The following EXOC6B variants were observed in gnomAD, a reference collection of about 807,000 sequenced individuals.
EXOC6B encodes exocyst complex component 6B, also known as SEC15 homolog B.
EXOC6B carries 54 observed loss-of-function variants against 113.5 expected under a neutral mutation model. The observed-to-expected ratio is 0.48, with a 90% confidence interval of 0.38 to 0.60. The LOEUF is 0.60. Among genes scored for constraint, EXOC6B ranks in the 20% least tolerant of loss-of-function variants. The pLI, the probability that EXOC6B is intolerant of heterozygous loss-of-function variation, is 0.00. For synonymous variants in EXOC6B, 357 were observed against 339.0 expected (o/e 1.05, Z -0.58); for missense variants, 797 against 977.5 (o/e 0.82, Z 2.46).
chr2:72,513,209 A>G lies in EXOC6B; in HGVS notation c.1090T>C (p.Leu364=), dbSNP rs542067463. ...EDHILHTTQG[L]VNRAYIDELW... ...TCATCAATGTAGGCTCTATTTACTA[A>G]GCCCTGGGTTGTATGTAAAATGTGA... Residue 364 remains leucine, a synonymous_variant, in exon 11 of 22, where the codon TTA becomes CTA. Coordinates refer to ENST00000272427, the MANE Select transcript of EXOC6B (RefSeq NM_015189.3). 3.1e-6 allele frequency: 5 copies of G among 1,613,354 alleles called. No individual in the cohort carries two copies. Among genetic ancestry groups the G allele is most frequent in the Non-Finnish European group, 4.2e-6 (5 of 1,179,414 alleles).
intron 6 of EXOC6B, among the ~76,000 whole-genome samples, chr2:72,601,114 GTGTGTGTGTA>G (rs1462210682): frequency 3.2e-3 from 422 of 133,102 alleles, no homozygotes; most frequent in Middle Eastern, 0.011. Flanking sequence ...ATATATATAT[GTGTGTGTGTA>G]TGTGTGTGTG....
chr2:72,354,574 C>T (rs1689862552), intron 19 of EXOC6B, among the ~76,000 whole-genome samples: 3 of 152,296 alleles, frequency 2.0e-5, no homozygotes. Context: ...GCAATGGGCT[C>T]AGAGAAACAA....
chr2:72,597,644 T>C (rs1000858808), intron 6 of EXOC6B, among the ~76,000 whole-genome samples: 1 of 151,776 alleles, frequency 6.6e-6, no homozygotes, highest in Non-Finnish European at 1.5e-5. Flanking sequence ...CTAAAAGAGA[T>C]GGAAAGAGTG....
chr2:72,747,848 T>C (rs1377131742), intron 1 of EXOC6B, among the ~76,000 whole-genome samples: 1 of 152,096 alleles, frequency 6.6e-6, no homozygotes. Context: ...TATTATGTGC[T>C]CCTCCTCGGT....
chr2:72,580,665 A>C (rs1348622751), intron 6 of EXOC6B, among the ~76,000 whole-genome samples: 1 of 152,180 alleles, frequency 6.6e-6, no homozygotes, highest in African/African-American at 2.4e-5. Context: ...CAGGCCTGGA[A>C]GCATCACATA....
intron 20 of EXOC6B, among the ~76,000 whole-genome samples, chr2:72,243,388 A>G (rs528139788): frequency 1.1e-3 from 160 of 152,344 alleles, no homozygotes; most frequent in African/African-American, 3.8e-3. Flanking sequence ...TGTGGCACAT[A>G]TACACCATGG....
chr2:72,375,961 A>T (rs1691332301), intron 19 of EXOC6B, among the ~76,000 whole-genome samples: 1 of 152,306 alleles, frequency 6.6e-6, no homozygotes, highest in South Asian at 2.1e-4. Flanking sequence ...CCAAGATGGA[A>T]GCAGCACCAT....
At chr2:72,602,878 A>G (rs1272818733) in intron 6 of EXOC6B, among the ~76,000 whole-genome samples, 1 of 152,174 alleles carries the variant, frequency 6.6e-6, no homozygotes, top group African/African-American at 2.4e-5. Flanking sequence ...ACAGCCATCA[A>G]TGTCTAAAAA....
chr2:72,738,795 G>A (rs1239865170), intron 2 of EXOC6B, among the ~76,000 whole-genome samples: 1 of 152,112 alleles, frequency 6.6e-6, no homozygotes, highest in African/African-American at 2.4e-5. Context: ...GGCCAATATG[G>A]CGAAACCCCA....
intron 16 of EXOC6B, 121 bp from the exon 17 acceptor site, chr2:72,480,871 G>A (rs965599160): frequency 1.5e-5 from 15 of 974,248 alleles, no homozygotes; most frequent in Non-Finnish European, 2.1e-5. Flanking sequence ...ATCCACATTC[G>A]GGCAAGGGGT....
intron 1 of EXOC6B, among the ~76,000 whole-genome samples, chr2:72,811,252 A>G (rs1012565214): frequency 3.3e-5 from 5 of 152,214 alleles, no homozygotes; most frequent in African/African-American, 4.8e-5. Flanking sequence ...CGGAGGTTGC[A>G]GTGAGCTGAG....
chr2:72,448,682 T>TAA, intron 18 of EXOC6B, among the ~76,000 whole-genome samples: 1 of 147,828 alleles, frequency 6.8e-6, no homozygotes, highest in Admixed American at 6.8e-5. Flanking sequence ...TTTGTACTAC[T>TAA]AAAAAAAAAA....
At chr2:72,268,530 T>C (rs1000898538) in intron 20 of EXOC6B, among the ~76,000 whole-genome samples, 3 of 152,116 alleles carry the variant, frequency 2.0e-5, no homozygotes, top group Non-Finnish European at 4.4e-5. Flanking sequence ...AGTTGGAAAA[T>C]ATACAAAGCA....
intron 20 of EXOC6B, among the ~76,000 whole-genome samples, chr2:72,247,884 C>G (rs879419736): frequency 6.6e-6 from 1 of 152,186 alleles, no homozygotes. Flanking sequence ...TGAATTTGAA[C>G]TTGGATCTCT....
rs576661535 is a variant in EXOC6B, at chr2:72,433,267, A to T, written c.1980+31893T>A. ...GCCTCTCTTCTGTTCCATTGGTCTTATATCTGTTTAGGTACCAGTGCCATG... is the reference window on the plus strand; with the variant it reads ...GCCTCTCTTCTGTTCCATTGGTCTTTTATCTGTTTAGGTACCAGTGCCATG... On this transcript the variant is annotated intron_variant, in intron 18 of 21. Transcript: ENST00000272427. Among the ~76,000 whole-genome samples the T allele has an allele frequency of 1.3e-3, 194 of 151,402 alleles. 1 individual carries two copies. The Middle Eastern group carries it at 0.017, about 13-fold the overall frequency.
At chr2:72,334,798 G>A (rs1405933811) in intron 20 of EXOC6B, 149 bp downstream of exon 20, 3 of 276,408 alleles carry the variant, frequency 1.1e-5, no homozygotes, top group Non-Finnish European at 1.8e-5. Flanking sequence ...CTAAATAAAA[G>A]AGGTGGCCTC....
intron 5 of EXOC6B, chr2:72,722,094 A>C (rs1035391622): frequency 6.6e-6 from 1 of 152,034 alleles, no homozygotes; most frequent in Non-Finnish European, 1.5e-5. Context: ...ACATGTATGC[A>C]TATATGAGAT....
At chr2:72,643,351 T>C (rs1382559046) in intron 6 of EXOC6B, among the ~76,000 whole-genome samples, 3 of 146,050 alleles carry the variant, frequency 2.1e-5, no homozygotes, top group South Asian at 2.2e-4. Flanking sequence ...TAGCAAAGAC[T>C]TGGAACCAAC....
rs1697967569 is a variant in EXOC6B at position 72,465,220 on chromosome 2, A to G, written c.1920T>C (p.Asp640=). The G allele has an allele frequency of 6.2e-7, 1 of 1,611,920 alleles. No homozygotes were observed. The highest frequency in any genetic ancestry group is 8.5e-7 in the Non-Finnish European group (1 of 1,179,128). The change falls in exon 18 of 22, where the codon GAT becomes GAC. Residue 640 remains aspartate (D), a synonymous_variant. Coordinates refer to ENST00000272427, the MANE Select transcript of EXOC6B (RefSeq NM_015189.3). ...MTGDLGNKAS[D]YLVDLIAFLR... ...GAAAGGCAATGAGGTCTACCAGGTA[A>G]TCACTAGCTTTGTTGCCCAAATCTC...
Sources: gnomAD v4.1 joint callset for allele counts (sites outside exome capture counted in the v4.1 genomes callset) on GRCh38, gnomAD v4.1.1 for gene constraint, MANE v1.5 for transcripts, NCBI Gene and HGNC (gene_info 2026-07-23, HGNC 2026-07-21) for gene names.